Variants in DSG2 observed in about 807,000 individuals in gnomAD.
DSG2 encodes desmoglein 2, also known as desmoglein-2.
Under a neutral mutation model 75.6 loss-of-function variants are expected in DSG2, and 45 were observed. That is an observed-to-expected ratio of 0.60 (90% CI 0.47 to 0.76). The LOEUF (loss-of-function observed/expected upper bound fraction) is 0.76, where lower values mean the gene tolerates loss of function less well. DSG2 is among the 30% of genes least tolerant of loss of function. The probability of loss-of-function intolerance (pLI) is 0.00; values close to 1 mark genes in which losing one functional copy is unlikely to be tolerated. For missense variants in DSG2, 1,267 were observed against 1,357.4 expected, an observed-to-expected ratio of 0.93 and a Z score of 1.05; for synonymous variants, 429 against 483.9, an observed-to-expected ratio of 0.89 and a Z score of 1.49.
At chr18:31,504,663 A>G (rs1465480190) in intron 1 of DSG2, among the ~76,000 whole-genome samples, 1 of 152,176 alleles carries the variant, frequency 6.6e-6, no homozygotes, top group Non-Finnish European at 1.5e-5. Context: ...GACAGTGTGC[A>G]TGTGGATGTT....
intron 12 of DSG2, among the ~76,000 whole-genome samples, chr18:31,539,696 G>A (rs749280352): frequency 1.1e-4 from 16 of 152,234 alleles, no homozygotes; most frequent in Non-Finnish European, 2.1e-4. Flanking sequence ...GGCTAGTGCA[G>A]TGACAGAGGA....
At chr18:31,521,267 T>G in intron 5 of DSG2, 24 bp downstream of exon 5, 3 of 1,534,824 alleles carry the variant, frequency 2.0e-6, no homozygotes, top group Non-Finnish European at 1.8e-6. Flanking sequence ...TTTTTTTTTT[T>G]AATAAATAAA....
chr18:31,537,467 A>G (rs1326246292), intron 11 of DSG2, among the ~76,000 whole-genome samples: 1 of 151,990 alleles, frequency 6.6e-6, no homozygotes, highest in African/African-American at 2.4e-5. Context: ...AAAATACAAA[A>G]AATTAGCCGG....
rs754848962 is a variant in DSG2, at chr18:31,531,174, T to C, written c.1202T>C (p.Met401Thr). The C allele has an allele frequency of 5.6e-6, 9 of 1,614,164 alleles. 2 individuals carry two copies. The Admixed American group carries it at 1.3e-4, about 24-fold the overall frequency. The change falls in exon 9 of 15, where the codon ATG becomes ACG. Residue 401 changes from methionine to threonine, a missense_variant. Coordinates refer to ENST00000261590, the MANE Select transcript of DSG2 (RefSeq NM_001943.5). ...SVISIYVSES[M>T]DRSSKGQIIG... ...ATCTCAATTTATGTTAGCGAGAGCA[T>C]GGATAGATCAAGCAAAGGCCAAATA... is the stretch of plus-strand genomic sequence containing the variant.
At chr18:31,515,745 C>G (rs936389595) in intron 1 of DSG2, among the ~76,000 whole-genome samples, 1 of 152,210 alleles carries the variant, frequency 6.6e-6, no homozygotes, top group African/African-American at 2.4e-5. Context: ...AGCTGAACAT[C>G]TGCTCTCCTT....
At chr18:31,499,842 T>C (rs1324688938) in intron 1 of DSG2, among the ~76,000 whole-genome samples, 1 of 152,174 alleles carries the variant, frequency 6.6e-6, no homozygotes, top group East Asian at 1.9e-4. Context: ...TACTTTTACC[T>C]TATTGGGCAG....
intron 1 of DSG2, among the ~76,000 whole-genome samples, chr18:31,506,699 A>C (rs2073040599): frequency 6.6e-6 from 1 of 152,216 alleles, no homozygotes; most frequent in Non-Finnish European, 1.5e-5. Flanking sequence ...TTTGTTTATC[A>C]AATTTTGTGA....
Position 31,540,236 on chromosome 18 carries a change from A to G in DSG2, c.1880-957A>G, listed in dbSNP as rs117640326. 2.8e-4 allele frequency among the ~76,000 whole-genome samples: 43 copies of G among 152,286 alleles called. No homozygotes were observed. The East Asian group carries it at 7.7e-3, about 27-fold the overall frequency. On this transcript the variant is annotated intron_variant, in intron 12 of 14. Coordinates refer to ENST00000261590, the MANE Select transcript of DSG2 (RefSeq NM_001943.5). ...TCCATGAAACCAGTCCCTGGTGTCA[A>G]AAAGGTTGGGGACTGCTGTATTAGA...
At chr18:31,501,879 A>G (rs2073015548) in intron 1 of DSG2, among the ~76,000 whole-genome samples, 2 of 152,218 alleles carry the variant, frequency 1.3e-5, no homozygotes, top group Non-Finnish European at 2.9e-5. Context: ...AAGTGGATTC[A>G]AGTATCTATA....
chr18:31,535,323 C>A lies in DSG2; in HGVS notation c.1334C>A (p.Ser445Tyr), dbSNP rs760788746. The A allele has an allele frequency of 1.2e-6, 2 of 1,601,556 alleles. No homozygotes were observed. The highest frequency in any genetic ancestry group is 1.7e-6 in the Non-Finnish European group (2 of 1,169,432). The part of the protein sequence containing the change: ...DNWISVDSVT[S>Y]EIKLAKLPDF... ...TGGATCTCTGTGGATTCTGTCACATCTGAAATTAAACTTGCAAAACTTCCT... is the reference window on the plus strand; with the variant it reads ...TGGATCTCTGTGGATTCTGTCACATATGAAATTAAACTTGCAAAACTTCCT... The change falls in exon 10 of 15, where the codon TCT becomes TAT. Residue 445 changes from serine to tyrosine, a missense_variant. Physicochemically the swap from Ser to Tyr is moderately radical, Grantham distance 144. Coordinates refer to ENST00000261590, the MANE Select transcript of DSG2 (RefSeq NM_001943.5).
intron 1 of DSG2, among the ~76,000 whole-genome samples, chr18:31,510,578 A>G (rs961780905): frequency 6.6e-6 from 1 of 151,888 alleles, no homozygotes; most frequent in African/African-American, 2.4e-5. Flanking sequence ...GTATTCCCTC[A>G]TGCCTCTGCA....
intron 14 of DSG2, 107 bp downstream of exon 14, chr18:31,542,959 G>GTT (rs10714882): frequency 3.9e-3 from 2,678 of 679,256 alleles, no homozygotes; most frequent in South Asian, 5.6e-3. Flanking sequence ...GAGACTTTGG[G>GTT]TTTTTTTTTT....
chr18:31,531,221 G>A lies in DSG2; in HGVS notation c.1249G>A (p.Asp417Asn), dbSNP rs2144333116. 1.9e-6 allele frequency: 3 copies of A among 1,614,184 alleles called. No homozygotes were observed. Among genetic ancestry groups the A allele is most frequent in the East Asian group, 2.2e-5 (1 of 44,872 alleles). ...GQIIGNFQAF[D>N]EDTGLPAHAR... Reference sequence around the variant, plus strand: ...AATAATTGGAAATTTTCAAGCTTTTGATGAGGACACTGGACTACCAGCCCA... The same window carrying A: ...AATAATTGGAAATTTTCAAGCTTTTAATGAGGACACTGGACTACCAGCCCA... Residue 417 changes from aspartate to asparagine, a missense_variant, in exon 9 of 15, where the codon GAT (aspartate) becomes AAT (asparagine). Transcript: ENST00000261590.
Position 31,531,161 on chromosome 18 carries a change from G to A in DSG2, c.1189G>A (p.Val397Ile). Reference sequence around the variant, plus strand: ...TAAAAGCAGCGTCATCTCAATTTATGTTAGCGAGAGCATGGATAGATCAAG... The same window carrying A: ...TAAAAGCAGCGTCATCTCAATTTATATTAGCGAGAGCATGGATAGATCAAG... ...HFKSSVISIY[V>I]SESMDRSSKG... Residue 397 changes from valine (V) to isoleucine (I), a missense_variant, in exon 9 of 15, where the codon GTT becomes ATT. Transcript: ENST00000261590. The A allele has an allele frequency of 6.2e-7, 1 of 1,614,160 alleles. No homozygotes were observed. Among genetic ancestry groups the A allele is most frequent in the African/African-American group, 1.3e-5 (1 of 75,044 alleles).
At chr18:31,528,542 A>T (rs3132910) in intron 8 of DSG2, among the ~76,000 whole-genome samples, 72,087 of 151,632 alleles carry the variant, frequency 0.48, 18,651 homozygotes, top group African/African-American at 0.7. Flanking sequence ...TGAAACCCTG[A>T]CTCTACTAAA....
At chr18:31,527,892 A>G (rs1288595413) in intron 8 of DSG2, among the ~76,000 whole-genome samples, 3 of 152,220 alleles carry the variant, frequency 2.0e-5, no homozygotes, top group Non-Finnish European at 4.4e-5. Context: ...TTGTTGTATC[A>G]TCACATAGTG....
At chr18:31,527,505 G>C (rs931764819) in intron 8 of DSG2, among the ~76,000 whole-genome samples, 1 of 152,182 alleles carries the variant, frequency 6.6e-6, no homozygotes, top group Non-Finnish European at 1.5e-5. Context: ...AAGCAACCGA[G>C]TGAGATAATT....
intron 8 of DSG2, among the ~76,000 whole-genome samples, chr18:31,530,418 T>G (rs576206949): frequency 6.6e-6 from 1 of 151,464 alleles, no homozygotes; most frequent in Admixed American, 6.6e-5. Flanking sequence ...TCTATAGATA[T>G]GTGTGTGTGT....
chr18:31,505,656 C>CTTTTTTTTTTTTTTTTTTT (rs558578470), intron 1 of DSG2, among the ~76,000 whole-genome samples: 8 of 136,080 alleles, frequency 5.9e-5, no homozygotes, highest in Non-Finnish European at 9.6e-5. Flanking sequence ...ATTTTTTTTT[C>CTTTTTTTTTTTTTTTTTTT]TTTTTTTTTT....
Sources: gnomAD v4.1 joint callset for allele counts (sites outside exome capture counted in the v4.1 genomes callset) on GRCh38, gnomAD v4.1.1 for gene constraint, MANE v1.5 for transcripts, NCBI Gene and HGNC (gene_info 2026-07-23, HGNC 2026-07-21) for gene names.